BTNL9: variants seen among roughly 807,000 people sequenced by gnomAD.
The protein encoded by BTNL9 is butyrophilin like 9.
A neutral mutation model predicts 45.8 loss-of-function variants in BTNL9; 45 were observed. The observed-to-expected ratio is 0.98, with a 90% CI of 0.77 to 1.26. BTNL9 has a LOEUF of 1.26. Among genes scored for constraint, BTNL9 ranks in the 50% most tolerant of loss-of-function variants. The pLI is 0.00. For synonymous variants in BTNL9, 346 were observed against 330.8 expected, an observed-to-expected ratio of 1.05 and a Z score of -0.50; for missense variants, 784 against 729.7, an observed-to-expected ratio of 1.07 and a Z score of -0.86.
Position 181,045,451 on chromosome 5 carries a change from C to G in BTNL9, c.-23-16C>G, listed in dbSNP as rs368802401. The G allele has an allele frequency of 1.4e-6, 2 of 1,406,758 alleles. No homozygotes were observed. The highest frequency in any genetic ancestry group is 2.0e-6 in the Non-Finnish European group (2 of 991,616). The allele number at this position is 1,406,758 out of a possible 1,614,324, so 87.1% of individuals were successfully genotyped here. On this transcript the variant is annotated splice_polypyrimidine_tract_variant and intron_variant, in intron 1 of 10. Coordinates refer to ENST00000327705, the MANE Select transcript of BTNL9 (RefSeq NM_152547.5). ...ACCTTTGCACGTCGCTCCAGCACCC[C>G]TTTGTCCCTCTCCAGGTGGCCCCCA...
chr5:181,048,861 A>AATTATATTAGTTATATATTATAT, intron 3 of BTNL9, among the ~76,000 whole-genome samples: 1 of 130,824 alleles, frequency 7.6e-6, no homozygotes, highest in African/African-American at 3.0e-5. Flanking sequence ...AATATTATAT[A>AATTATATTAGTTATATATTATAT]ATTATATTAG....
chr5:181,055,034 C>T lies in BTNL9; in HGVS notation c.908-399C>T, dbSNP rs942622188. ...AATTGGGTGTGATGTCCTTCCAGTC[C>T]TTCAGATAACGCACCCGGTGAGTGA... On this transcript the variant is annotated intron_variant, in intron 7 of 10. Transcript: ENST00000327705. This position sits in a 1 kb window ranked among gnomAD's most constrained non-coding sequence, Gnocchi z 4.4. The T allele has an allele frequency of 7.1e-5, 70 of 985,284 alleles. No homozygotes were observed. In the African/African-American group the frequency reaches 1.1e-3, roughly 15 times the overall value. The allele number at this position is 985,284 out of a possible 1,614,324, so 61.0% of individuals were successfully genotyped here. A position where few individuals can be genotyped will look rare whatever the true frequency, so the allele number is the denominator to read the frequency against.
rs950545824 is a variant in BTNL9 at position 181,050,428 on chromosome 5, C to A, written c.736+59C>A. ...GTCCTCATGTGTACATACACATTGG[C>A]CCAAAGGCAGTCTATAAAGACACAA... On this transcript the variant is annotated intron_variant, in intron 4 of 10. Transcript: ENST00000327705. This position sits in a 1 kb window ranked among gnomAD's most constrained non-coding sequence, Gnocchi z 4.9. 6.4e-7 allele frequency: 1 copy of A among 1,564,262 alleles called. No homozygotes were observed. Among genetic ancestry groups the A allele is most frequent in the Non-Finnish European group, 8.7e-7 (1 of 1,146,266 alleles).
At chr5:181,048,325 C>T in intron 3 of BTNL9, 54 bp downstream of exon 3, 1 of 1,470,834 alleles carries the variant, frequency 6.8e-7, no homozygotes, top group Non-Finnish European at 9.3e-7. Flanking sequence ...AGGTGCTTTG[C>T]CAAGTAGAGG....
chr5:181,055,746 G>A lies in BTNL9; in HGVS notation c.929-243G>A, dbSNP rs1488791471. On this transcript the variant is annotated intron_variant, in intron 8 of 10. Coordinates refer to ENST00000327705, the MANE Select transcript of BTNL9 (RefSeq NM_152547.5). This position sits in a 1 kb window ranked among gnomAD's most constrained non-coding sequence, Gnocchi z 4.4. ...ATGGCGCCACTGCACTCCAGCCTGG[G>A]CGACAGAGCGAGACTCTGTCTCAAA... 1.4e-6 allele frequency: 1 copy of A among 706,330 alleles called. No individual in the cohort carries two copies. The highest frequency in any genetic ancestry group is 1.7e-5 in the African/African-American group (1 of 57,186). The allele number at this position is 706,330 out of a possible 1,614,324, so 43.8% of individuals were successfully genotyped here.
intron 4 of BTNL9, among the ~76,000 whole-genome samples, chr5:181,051,822 T>G (rs539397970): frequency 1.3e-5 from 2 of 152,216 alleles, no homozygotes; most frequent in East Asian, 3.9e-4. Context: ...AAATCTTAAT[T>G]TATATTATTG....
In BTNL9 at chr5:181,055,381, A is replaced by T; in HGVS notation, c.908-52A>T. ...CTTCCCAGTGGCCTGTCTTGGGAAG[A>T]TGGTTCCACCCACCTGCAGGCTGAA... On this transcript the variant is annotated intron_variant, in intron 7 of 10. Coordinates refer to ENST00000327705, the MANE Select transcript of BTNL9 (RefSeq NM_152547.5). The surrounding 1 kb of genome is among the most constrained non-coding windows in gnomAD (Gnocchi z 4.4). 1.9e-6 allele frequency: 3 copies of T among 1,613,774 alleles called. No homozygotes were observed. The highest frequency in any genetic ancestry group is 2.5e-6 in the Non-Finnish European group (3 of 1,179,978).
rs970075443 is a variant in BTNL9, at chr5:181,061,147, C to A, written c.*1285C>A. The A allele has an allele frequency of 2.6e-5, 4 of 152,246 alleles. No individual in the cohort carries two copies. Among genetic ancestry groups the A allele is most frequent in the African/African-American group, 9.6e-5 (4 of 41,460 alleles). 9.4% of individuals were successfully genotyped at this position (152,246 alleles called of 1,614,324 possible). ...AACATTCTTGTTCTTAGCAAACATA[C>A]TGAAGTTTTTAGATATTAATTACCA... On this transcript the variant is annotated 3_prime_UTR_variant, in exon 11 of 11. Coordinates refer to ENST00000327705, the MANE Select transcript of BTNL9 (RefSeq NM_152547.5).
intron 9 of BTNL9, chr5:181,057,300 TTA>T (rs1761935294): frequency 6.7e-6 from 1 of 148,260 alleles, no homozygotes; most frequent in African/African-American, 2.6e-5. Flanking sequence ...TCAACTATCT[TTA>T]TGTTATATTT....
In BTNL9 at chr5:181,053,921, G is replaced by A. The variant is rs766312667; in HGVS notation, c.887-318G>A. On this transcript the variant is annotated intron_variant, in intron 6 of 10. Coordinates refer to ENST00000327705, the MANE Select transcript of BTNL9 (RefSeq NM_152547.5). This position sits in a 1 kb window ranked among gnomAD's most constrained non-coding sequence, Gnocchi z 6.5. ...GGTCAGGCACCGAGAAAACAGCCCA[G>A]TTACGTGAGGCAGTGTCCGGGGCTT... The A allele has an allele frequency of 9.3e-6, 14 of 1,512,850 alleles. No individual in the cohort carries two copies. The South Asian group carries it at 1.7e-4, about 18-fold the overall frequency. The allele number at this position is 1,512,850 out of a possible 1,614,324, so 93.7% of individuals were successfully genotyped here. A position where few individuals can be genotyped will look rare whatever the true frequency, so the allele number is the denominator to read the frequency against.
In BTNL9 at chr5:181,061,363, G is replaced by C. The variant is rs1438596045; in HGVS notation, c.*1501G>C. The stretch of plus-strand genomic sequence containing the variant: ...TTTGAAATTTTGCAAACTAAGAGTT[G>C]GGTGGCGGGGAGAAGGATACACCAA... On this transcript the variant is annotated 3_prime_UTR_variant, in exon 11 of 11. Coordinates refer to ENST00000327705, the MANE Select transcript of BTNL9 (RefSeq NM_152547.5). 6.6e-6 allele frequency: 1 copy of C among 152,168 alleles called. No individual in the cohort carries two copies. The highest frequency in any genetic ancestry group is 1.9e-4 in the East Asian group (1 of 5,198). 9.4% of individuals were successfully genotyped at this position (152,168 alleles called of 1,614,324 possible). A position where few individuals can be genotyped will look rare whatever the true frequency, so the allele number is the denominator to read the frequency against.
In BTNL9 at chr5:181,060,388, G is replaced by C. The variant is rs1762102376; in HGVS notation, c.*526G>C. ...TCTGGAGCCGGGGCAAAAATTTCAAGGTGAGCCTGGAGCATTGTGTGTGGT... is the reference window on the plus strand; with the variant it reads ...TCTGGAGCCGGGGCAAAAATTTCAACGTGAGCCTGGAGCATTGTGTGTGGT... On this transcript the variant is annotated 3_prime_UTR_variant, in exon 11 of 11. Coordinates refer to ENST00000327705, the MANE Select transcript of BTNL9 (RefSeq NM_152547.5). 1 of 152,516 alleles carries C rather than the reference G, an allele frequency of 6.6e-6. No homozygotes were observed. Among genetic ancestry groups the C allele is most frequent in the Admixed American group, 6.5e-5 (1 of 15,286 alleles). 9.4% of individuals were successfully genotyped at this position (152,516 alleles called of 1,614,324 possible). A position where few individuals can be genotyped will look rare whatever the true frequency, so the allele number is the denominator to read the frequency against.
chr5:181,045,570 C>A lies in BTNL9; in HGVS notation c.81C>A (p.Leu27=). The stretch of plus-strand genomic sequence containing the variant: ...GTCTTGTCTTCCTCATGCACCTCCT[C>A]CTCCTTCAGCCTGGGGAGCCGAGCT... The part of the protein sequence containing the change: ...TSSLVFLMHL[L]LLQPGEPSSE... Residue 27 remains leucine, a synonymous_variant, in exon 2 of 11, where the codon CTC becomes CTA. Coordinates refer to ENST00000327705, the MANE Select transcript of BTNL9 (RefSeq NM_152547.5). The A allele has an allele frequency of 1.2e-6, 2 of 1,612,644 alleles. No homozygotes were observed. Among genetic ancestry groups the A allele is most frequent in the South Asian group, 2.2e-5 (2 of 91,082 alleles).
rs762250166 is a variant in BTNL9, at chr5:181,048,117, C to A, written c.300C>A (p.Phe100Leu). Residue 100 changes from phenylalanine (F) to leucine (L), a missense_variant, in exon 3 of 11, where the codon TTC becomes TTA. Phe to Leu is a conservative substitution (Grantham distance 22). Transcript: ENST00000327705. ...TCCCTGGCAGGCAGATGCCGGCGTT[C>A]CGGAACAGGACCAAGTTGGTCAAGG... is the stretch of plus-strand genomic sequence containing the variant. ...QELPGRQMPA[F>L]RNRTKLVKDD... is the part of the protein sequence containing the mutation. 6.2e-7 allele frequency: 1 copy of A among 1,613,636 alleles called. No individual in the cohort carries two copies. Among genetic ancestry groups the A allele is most frequent in the East Asian group, 2.2e-5 (1 of 44,868 alleles).
chr5:181,051,506 G>C (rs890277282), intron 4 of BTNL9, among the ~76,000 whole-genome samples: 1 of 152,222 alleles, frequency 6.6e-6, no homozygotes, highest in Non-Finnish European at 1.5e-5. Context: ...CGTGGGAATT[G>C]GGATGGCCAT....
Position 181,060,130 on chromosome 5 carries a change from C to G in BTNL9, c.*268C>G, listed in dbSNP as rs1291140293. The stretch of plus-strand genomic sequence containing the variant: ...ACGTCGCTCAGAGCTGGGGTGCTCA[C>G]GGTGGGCGGTGGGCAAGAAGCCAGC... On this transcript the variant is annotated 3_prime_UTR_variant, in exon 11 of 11. Transcript: ENST00000327705. 2.6e-5 allele frequency: 11 copies of G among 429,316 alleles called. No homozygotes were observed. In the East Asian group the frequency reaches 3.9e-4, roughly 15 times the overall value. 26.6% of individuals were successfully genotyped at this position (429,316 alleles called of 1,614,324 possible).
Position 181,053,594 on chromosome 5 carries a change from C to T in BTNL9, c.886+93C>T, listed in dbSNP as rs970391463. 86 of 1,549,694 alleles carry T rather than the reference C, an allele frequency of 5.5e-5. No homozygotes were observed. Among genetic ancestry groups the T allele is most frequent in the Non-Finnish European group, 7.4e-5 (85 of 1,146,536 alleles). On this transcript the variant is annotated intron_variant, in intron 6 of 10. Transcript: ENST00000327705. This position sits in a 1 kb window ranked among gnomAD's most constrained non-coding sequence, Gnocchi z 6.5. Reference sequence around the variant, plus strand: ...GTGGGTCCCGTTACGAGGGTTTATTCCAGCGCGAGGTGTCAGGGCGGCCAC... The same window carrying T: ...GTGGGTCCCGTTACGAGGGTTTATTTCAGCGCGAGGTGTCAGGGCGGCCAC...
Position 181,050,055 on chromosome 5 carries a change from C to T in BTNL9, c.455-33C>T. 3 of 1,598,720 alleles carry T rather than the reference C, an allele frequency of 1.9e-6. No individual in the cohort carries two copies. Among genetic ancestry groups the T allele is most frequent in the Non-Finnish European group, 2.6e-6 (3 of 1,172,436 alleles). On this transcript the variant is annotated intron_variant, in intron 3 of 10. Transcript: ENST00000327705. The surrounding 1 kb of genome is among the most constrained non-coding windows in gnomAD (Gnocchi z 4.9). ...GTTATGCGTGATTTCTCAGAAGAAG[C>T]CTGACCTTTCCCACTCCTCCTGCCT...
chr5:181,040,811 A>C (rs1760739073), intron 1 of BTNL9, among the ~76,000 whole-genome samples: 1 of 149,438 alleles, frequency 6.7e-6, no homozygotes, highest in African/African-American at 2.4e-5. Context: ...GCCGGGGGGA[A>C]GGGCATTGCA....
Sources: gnomAD v4.1 joint callset for allele counts (sites outside exome capture counted in the v4.1 genomes callset) on GRCh38, gnomAD v4.1.1 for gene constraint, Gnocchi (gnomAD v3.1) non-coding constraint, MANE v1.5 for transcripts, NCBI Gene and HGNC (gene_info 2026-07-23, HGNC 2026-07-21) for gene names.